JARID2: variants seen among roughly 807,000 people sequenced by gnomAD.
JARID2 encodes protein Jumonji.
JARID2 carries 21 observed loss-of-function variants against 125.6 expected under a neutral mutation model. That is an observed-to-expected ratio of 0.17 (90% CI 0.12 to 0.24). JARID2 has a LOEUF of 0.24. Among genes scored for constraint, JARID2 ranks in the 10% least tolerant of loss-of-function variants. The probability of loss-of-function intolerance (pLI) is 1.00; values close to 1 mark genes in which losing one functional copy is unlikely to be tolerated. For missense variants in JARID2, 1,303 were observed against 1,639.6 expected (o/e 0.79, Z 3.55); for synonymous variants, 736 against 661.6 (o/e 1.11, Z -1.73).
chr6:15,444,243 T>G (rs895218676), intron 3 of JARID2, among the ~76,000 whole-genome samples: 3 of 152,208 alleles, frequency 2.0e-5, no homozygotes, highest in Non-Finnish European at 2.9e-5. Context: ...CCTGACCGTT[T>G]AAAACTGTGG....
chr6:15,425,092 A>G (rs576084383), intron 3 of JARID2, among the ~76,000 whole-genome samples: 33 of 152,346 alleles, frequency 2.2e-4, no homozygotes, highest in African/African-American at 7.7e-4. Context: ...TATGTAATAC[A>G]GACTCAGTAA....
At chr6:15,440,863 G>A (rs1767415983) in intron 3 of JARID2, among the ~76,000 whole-genome samples, 1 of 152,114 alleles carries the variant, frequency 6.6e-6, no homozygotes, top group African/African-American at 2.4e-5. Context: ...CTTATCTTAG[G>A]CATTTTTAAC....
At chr6:15,256,826 G>A (rs1759683753) in intron 1 of JARID2, among the ~76,000 whole-genome samples, 1 of 152,170 alleles carries the variant, frequency 6.6e-6, no homozygotes, top group Admixed American at 6.5e-5. Flanking sequence ...AAGAGTAGGG[G>A]CTGAATTTAT....
intron 3 of JARID2, among the ~76,000 whole-genome samples, chr6:15,411,172 G>A (rs558917839): frequency 3.7e-5 from 5 of 134,816 alleles, no homozygotes; most frequent in Middle Eastern, 3.6e-3. Context: ...TCGTTTCCGG[G>A]ATTGAAGGAA....
intron 1 of JARID2, among the ~76,000 whole-genome samples, chr6:15,337,626 G>T (rs1414617680): frequency 6.6e-6 from 1 of 152,026 alleles, no homozygotes; most frequent in East Asian, 1.9e-4. Context: ...ATAAGGATTA[G>T]GGGGGGTCCA....
chr6:15,279,189 C>T (rs1760659055), intron 1 of JARID2, among the ~76,000 whole-genome samples: 2 of 147,850 alleles, frequency 1.4e-5, no homozygotes, highest in Non-Finnish European at 2.9e-5. Context: ...TTGTTTTCAC[C>T]ACTAAATACA....
intron 1 of JARID2, among the ~76,000 whole-genome samples, chr6:15,346,927 G>C (rs935885612): frequency 6.6e-6 from 1 of 151,734 alleles, no homozygotes; most frequent in Non-Finnish European, 1.5e-5. Context: ...GTAGAGACAG[G>C]GTTTCACCAT....
chr6:15,309,764 A>T (rs1349678942), intron 1 of JARID2, among the ~76,000 whole-genome samples: 3 of 152,082 alleles, frequency 2.0e-5, no homozygotes, highest in Non-Finnish European at 4.4e-5. Context: ...ACACTGAGGG[A>T]TGACAGAAGG....
intron 7 of JARID2, 86 bp downstream of exon 7, chr6:15,497,256 T>C: frequency 9.4e-7 from 1 of 1,064,964 alleles, no homozygotes; most frequent in East Asian, 2.7e-5. Context: ...CACGTTCTCT[T>C]CCCTTGCGAA....
At chr6:15,340,988 T>G (rs1342774547) in intron 1 of JARID2, among the ~76,000 whole-genome samples, 2 of 152,194 alleles carry the variant, frequency 1.3e-5, no homozygotes, top group Non-Finnish European at 2.9e-5. Flanking sequence ...TAATACACTT[T>G]CTATATCCAA....
chr6:15,475,643 T>C (rs1292495797), intron 5 of JARID2, among the ~76,000 whole-genome samples: 1 of 152,206 alleles, frequency 6.6e-6, no homozygotes, highest in Non-Finnish European at 1.5e-5. Context: ...TGTTCCCTGA[T>C]TTTGGAGTGC....
At chr6:15,323,952 G>A (rs1395653115) in intron 1 of JARID2, among the ~76,000 whole-genome samples, 6 of 152,000 alleles carry the variant, frequency 3.9e-5, no homozygotes, top group African/African-American at 1.5e-4. Flanking sequence ...GGAGGCTGAG[G>A]CGGGCGGATC....
chr6:15,437,545 A>C (rs1373630315), intron 3 of JARID2, among the ~76,000 whole-genome samples: 1 of 152,216 alleles, frequency 6.6e-6, no homozygotes, highest in Non-Finnish European at 1.5e-5. Context: ...AAATAGAAGA[A>C]ACGTATTTTA....
At chr6:15,374,356 G>A (rs1306002634) in intron 2 of JARID2, 104 bp downstream of exon 2, 24 of 1,174,998 alleles carry the variant, frequency 2.0e-5, no homozygotes, top group Non-Finnish European at 2.8e-5. Context: ...CCTGGTCTAG[G>A]CACCTAAAGG....
chr6:15,453,715 C>T (rs1038220397), intron 4 of JARID2, among the ~76,000 whole-genome samples: 1 of 152,080 alleles, frequency 6.6e-6, no homozygotes, highest in Non-Finnish European at 1.5e-5. Context: ...TCAGATTGTC[C>T]CAGATCACCG....
intron 4 of JARID2, among the ~76,000 whole-genome samples, chr6:15,456,057 T>G (rs1370662925): frequency 6.6e-6 from 1 of 152,248 alleles, no homozygotes; most frequent in African/African-American, 2.4e-5. Context: ...GTGACTGTTG[T>G]GTTTAGTTCT....
intron 3 of JARID2, among the ~76,000 whole-genome samples, chr6:15,443,536 T>A (rs1188084188): frequency 6.6e-6 from 1 of 152,224 alleles, no homozygotes; most frequent in East Asian, 1.9e-4. Flanking sequence ...AAAGTCAGTA[T>A]ATTTTGCTGT....
chr6:15,457,619 T>TC (rs1363713999), intron 4 of JARID2, among the ~76,000 whole-genome samples: 3 of 150,218 alleles, frequency 2.0e-5, no homozygotes, highest in Non-Finnish European at 4.4e-5. Context: ...TTTTTTTTTT[T>TC]CCCTTCTCCA....
At chr6:15,337,209 A>T (rs533708708) in intron 1 of JARID2, among the ~76,000 whole-genome samples, 1 of 152,174 alleles carries the variant, frequency 6.6e-6, no homozygotes, top group East Asian at 1.9e-4. Context: ...TCTCTCTTAC[A>T]TGAGAGAGGT....
Sources: allele counts gnomAD v4.1 joint callset (sites outside exome capture counted in the v4.1 genomes callset), GRCh38; gene constraint gnomAD v4.1.1; transcripts MANE v1.5; gene names NCBI Gene and HGNC (gene_info 2026-07-23, HGNC 2026-07-21).